FXN: variants seen among roughly 807,000 people sequenced by gnomAD.
FXN encodes frataxin.
In FXN, 14 loss-of-function variants were observed where a neutral mutation model predicts 22.4. That is an observed-to-expected ratio of 0.62 (90% CI 0.41 to 0.98). The LOEUF (loss-of-function observed/expected upper bound fraction) is 0.98, where lower values mean the gene tolerates loss of function less well. FXN is among the 50% of genes least tolerant of loss of function. The pLI is 0.00. For synonymous variants in FXN, 120 were observed against 114.1 expected, an observed-to-expected ratio of 1.05 and a Z score of -0.33; for missense variants, 267 against 268.4, an observed-to-expected ratio of 0.99 and a Z score of 0.04.
chr9:69,062,227 T>C (rs1353914808), intron 3 of FXN, among the ~76,000 whole-genome samples: 2 of 152,200 alleles, frequency 1.3e-5, no homozygotes, highest in Non-Finnish European at 2.9e-5. Flanking sequence ...TTCTCCCACC[T>C]CAGCCTACCA....
At position 69,072,999 on chromosome 9, in the gene FXN, C is replaced by T. The variant is rs1832301676; in HGVS notation, c.*237C>T. On this transcript the variant is annotated 3_prime_UTR_variant, in exon 5 of 5. Transcript: ENST00000484259. ...TTTTGGATTGTCGGATTTCCTCCCT[C>T]ACATGATACCCCTTATCTTTTATAA... 1.4e-6 allele frequency: 2 copies of T among 1,426,172 alleles called. No homozygotes were observed. Among genetic ancestry groups the T allele is most frequent in the Non-Finnish European group, 1.8e-6 (2 of 1,097,022 alleles). The allele number at this position is 1,426,172 out of a possible 1,614,324, so 88.3% of individuals were successfully genotyped here. A position where few individuals can be genotyped will look rare whatever the true frequency, so the allele number is the denominator to read the frequency against.
At chr9:69,069,362 CA>C (rs1007441742) in intron 4 of FXN, among the ~76,000 whole-genome samples, 1 of 151,688 alleles carries the variant, frequency 6.6e-6, no homozygotes, top group Non-Finnish European at 1.5e-5. Flanking sequence ...GAGACTGTCT[CA>C]AAAAAAGGAG....
intron 1 of FXN, among the ~76,000 whole-genome samples, chr9:69,042,978 C>G (rs1457908292): frequency 1.3e-5 from 2 of 152,152 alleles, no homozygotes; most frequent in East Asian, 1.9e-4. Context: ...CGTCAGTTTC[C>G]TCATCTGTAA....
At chr9:69,060,410 G>A (rs935737922) in intron 3 of FXN, among the ~76,000 whole-genome samples, 2 of 151,452 alleles carry the variant, frequency 1.3e-5, no homozygotes, top group African/African-American at 4.8e-5. Context: ...GCCACTGTCT[G>A]TGCTAATTGG....
intron 1 of FXN, among the ~76,000 whole-genome samples, chr9:69,045,750 C>T (rs2133101477): frequency 6.6e-6 from 1 of 152,154 alleles, no homozygotes; most frequent in African/African-American, 2.4e-5. Context: ...GTGAGGGGTA[C>T]AAAGCATCCT....
At chr9:69,066,665 T>C (rs1832170482) in intron 4 of FXN, among the ~76,000 whole-genome samples, 1 of 152,124 alleles carries the variant, frequency 6.6e-6, no homozygotes, top group South Asian at 2.1e-4. Flanking sequence ...CGATCACTTT[T>C]GGGGATCAGT....
intron 1 of FXN, among the ~76,000 whole-genome samples, chr9:69,041,326 G>A (rs754846862): frequency 1.3e-5 from 2 of 152,214 alleles, no homozygotes; most frequent in Non-Finnish European, 2.9e-5. Context: ...CATCTGCATT[G>A]ATGCATGCAG....
At chr9:69,063,720 G>GT (rs554222452) in intron 3 of FXN, among the ~76,000 whole-genome samples, 37,266 of 151,998 alleles carry the variant, frequency 0.25, 4,738 homozygotes, top group South Asian at 0.34. Flanking sequence ...CAGGATCTCT[G>GT]TCGCCCAGTC....
Position 69,035,953 on chromosome 9 carries a change from T to C in FXN, c.165+6T>C, listed in dbSNP as rs1235955360. 4 of 1,459,134 alleles carry C rather than the reference T, an allele frequency of 2.7e-6. No individual in the cohort carries two copies. The highest frequency in any genetic ancestry group is 3.0e-5 in the East Asian group (1 of 33,004). The allele number at this position is 1,459,134 out of a possible 1,614,324, so 90.4% of individuals were successfully genotyped here. A position where few individuals can be genotyped will look rare whatever the true frequency, so the allele number is the denominator to read the frequency against. On this transcript the variant is annotated splice_donor_region_variant and intron_variant, in intron 1 of 4. Transcript: ENST00000484259. ...CCTGCACGCCCCGCCGCGCAGTAAGTATCCGCGCCGGGAACAGCCGCGGGC... is the reference window on the plus strand; with the variant it reads ...CCTGCACGCCCCGCCGCGCAGTAAGCATCCGCGCCGGGAACAGCCGCGGGC...
At chr9:69,042,172 A>G (rs976580127) in intron 1 of FXN, among the ~76,000 whole-genome samples, 20 of 150,736 alleles carry the variant, frequency 1.3e-4, no homozygotes, top group Non-Finnish European at 2.1e-4. Flanking sequence ...CGGGAGGCGG[A>G]GGTTGCAATA....
At chr9:69,063,991 T>C (rs1346789125) in intron 3 of FXN, among the ~76,000 whole-genome samples, 2 of 152,218 alleles carry the variant, frequency 1.3e-5, no homozygotes, top group Non-Finnish European at 1.5e-5. Flanking sequence ...TAAATAGCTC[T>C]CTGTGTTTGC....
intron 4 of FXN, among the ~76,000 whole-genome samples, chr9:69,070,228 CAAA>C (rs563872382): frequency 8.0e-5 from 9 of 112,234 alleles, no homozygotes; most frequent in Admixed American, 1.9e-4. Context: ...GACCCCATCT[CAAA>C]AAAAAAAAAA....
At chr9:69,066,287 C>T (rs957713236) in intron 4 of FXN, among the ~76,000 whole-genome samples, 1 of 152,196 alleles carries the variant, frequency 6.6e-6, no homozygotes. Context: ...AAAATTATAA[C>T]CTTACTCTAC....
chr9:69,075,975 G>C lies in FXN; in HGVS notation c.*3213G>C. The C allele has an allele frequency of 1.0e-6, 1 of 972,162 alleles. No individual in the cohort carries two copies. Among genetic ancestry groups the C allele is most frequent in the South Asian group, 4.8e-5 (1 of 21,034 alleles). The allele number at this position is 972,162 out of a possible 1,614,324, so 60.2% of individuals were successfully genotyped here. ...CTGCCTCGTCCTCCCAAGATGCTGGGATTACAGGTGTGTGCCACAGGTGTT... is the reference window on the plus strand; with the variant it reads ...CTGCCTCGTCCTCCCAAGATGCTGGCATTACAGGTGTGTGCCACAGGTGTT... On this transcript the variant is annotated 3_prime_UTR_variant, in exon 5 of 5. Transcript: ENST00000484259.
At chr9:69,063,074 A>G (rs1457449696) in intron 3 of FXN, among the ~76,000 whole-genome samples, 4 of 152,066 alleles carry the variant, frequency 2.6e-5, no homozygotes. Flanking sequence ...TGGTGTCTGT[A>G]GTCCCAGCTC....
At position 69,075,983 on chromosome 9, in the gene FXN, G is replaced by T; in HGVS notation, c.*3221G>T. 1 of 978,842 alleles carries T rather than the reference G, an allele frequency of 1.0e-6. No individual in the cohort carries two copies. The highest frequency in any genetic ancestry group is 1.2e-6 in the Non-Finnish European group (1 of 824,040). 60.6% of individuals were successfully genotyped at this position (978,842 alleles called of 1,614,324 possible). A position where few individuals can be genotyped will look rare whatever the true frequency, so the allele number is the denominator to read the frequency against. ...TCCTCCCAAGATGCTGGGATTACAG[G>T]TGTGTGCCACAGGTGTTCATCAGAA... On this transcript the variant is annotated 3_prime_UTR_variant, in exon 5 of 5. Transcript: ENST00000484259.
chr9:69,047,439 T>C (rs1008576734), intron 2 of FXN, among the ~76,000 whole-genome samples: 1 of 152,086 alleles, frequency 6.6e-6, no homozygotes, highest in Non-Finnish European at 1.5e-5. Context: ...GGCACAGCAC[T>C]AGCTGCCCGC....
rs1233714919 is a variant in FXN, at chr9:69,036,531, C to G, written c.165+584C>G. Among the ~76,000 whole-genome samples, 5 of 152,206 alleles carry G rather than the reference C, an allele frequency of 3.3e-5. No individual in the cohort carries two copies. In the East Asian group the frequency reaches 7.7e-4, roughly 23 times the overall value. ...CAGCAGGGGCCCTGGCTTTTGGAAA[C>G]TGACCCGACCTTTATTCCAGATTCT... On this transcript the variant is annotated intron_variant, in intron 1 of 4. Coordinates refer to ENST00000484259, the MANE Select transcript of FXN (RefSeq NM_000144.5).
chr9:69,078,864 T>A lies in FXN; in HGVS notation c.*6102T>A. The A allele has an allele frequency of 1.0e-6, 1 of 985,740 alleles. No individual in the cohort carries two copies. The highest frequency in any genetic ancestry group is 1.2e-6 in the Non-Finnish European group (1 of 830,136). 61.1% of individuals were successfully genotyped at this position (985,740 alleles called of 1,614,324 possible). A position where few individuals can be genotyped will look rare whatever the true frequency, so the allele number is the denominator to read the frequency against. The stretch of plus-strand genomic sequence containing the variant: ...ATTGTTCCATGTCCTCAGCATACCA[T>A]GTTTGTCTTTCCCAGCACTGACCTA... On this transcript the variant is annotated 3_prime_UTR_variant, in exon 5 of 5. Transcript: ENST00000484259.
Sources: allele counts gnomAD v4.1 joint callset (sites outside exome capture counted in the v4.1 genomes callset), GRCh38; gene constraint gnomAD v4.1.1; transcripts MANE v1.5; gene names NCBI Gene and HGNC (gene_info 2026-07-23, HGNC 2026-07-21).